The following SLC30A9 variants were observed in gnomAD, a reference collection of about 807,000 sequenced individuals.
SLC30A9 encodes proton-coupled zinc antiporter SLC30A9, mitochondrial.
A neutral mutation model predicts 87.5 loss-of-function variants in SLC30A9; 58 were observed. The observed-to-expected ratio is 0.66, with a 90% CI of 0.54 to 0.82. SLC30A9 has a LOEUF of 0.82. SLC30A9 is among the 40% of genes least tolerant of loss of function. SLC30A9 has a pLI of 0.00. For synonymous variants in SLC30A9, 234 were observed against 233.0 expected (o/e 1.00, Z -0.04); for missense variants, 557 against 679.1 (o/e 0.82, Z 2.00).
At chr4:42,076,311 T>G (rs886883909) in intron 16 of SLC30A9, among the ~76,000 whole-genome samples, 3 of 152,192 alleles carry the variant, frequency 2.0e-5, no homozygotes, top group African/African-American at 7.2e-5. Flanking sequence ...AAAAAAGAAA[T>G]AATTACAAAA....
rs531912528 is a variant in SLC30A9 at position 42,090,341 on chromosome 4, A to G, written c.*4215A>G. Reference sequence around the variant, plus strand: ...CTTAGACTTGGCTTTATGCAAAAAGAAAATTTTTATTCGTTATATTGTATT... The same window carrying G: ...CTTAGACTTGGCTTTATGCAAAAAGGAAATTTTTATTCGTTATATTGTATT... On this transcript the variant is annotated 3_prime_UTR_variant, in exon 18 of 18. Coordinates refer to ENST00000264451, the MANE Select transcript of SLC30A9 (RefSeq NM_006345.4). The G allele has an allele frequency of 6.6e-6, 1 of 152,214 alleles. No individual in the cohort carries two copies. Among genetic ancestry groups the G allele is most frequent in the Non-Finnish European group, 1.5e-5 (1 of 68,036 alleles). 9.4% of individuals were successfully genotyped at this position (152,214 alleles called of 1,614,324 possible). A position where few individuals can be genotyped will look rare whatever the true frequency, so the allele number is the denominator to read the frequency against.
At chr4:42,041,995 G>A (rs970779398) in intron 8 of SLC30A9, among the ~76,000 whole-genome samples, 6 of 152,166 alleles carry the variant, frequency 3.9e-5, no homozygotes, top group Non-Finnish European at 8.8e-5. Flanking sequence ...AAGCCATGAG[G>A]GACTGTGCTG....
intron 1 of SLC30A9, among the ~76,000 whole-genome samples, chr4:41,998,468 T>G (rs922145292): frequency 8.6e-5 from 13 of 151,654 alleles, no homozygotes; most frequent in African/African-American, 2.4e-4. Context: ...AATTCTTTTT[T>G]TTTGTTTGTT....
intron 17 of SLC30A9, chr4:42,078,638 T>C (rs1455040551): frequency 6.0e-6 from 1 of 165,310 alleles, no homozygotes; most frequent in Non-Finnish European, 1.3e-5. Context: ...TGAAAGTTCC[T>C]AGAGAAAGAT....
chr4:42,064,070 T>C (rs1194433668), intron 11 of SLC30A9, among the ~76,000 whole-genome samples: 1 of 152,232 alleles, frequency 6.6e-6, no homozygotes, highest in Non-Finnish European at 1.5e-5. Context: ...TATGGATGTA[T>C]CACTCAGGTA....
At chr4:42,064,899 CT>C (rs897488147) in intron 11 of SLC30A9, among the ~76,000 whole-genome samples, 30 of 147,506 alleles carry the variant, frequency 2.0e-4, no homozygotes, top group South Asian at 2.2e-4. Context: ...GCTAGGTTAA[CT>C]TTTTTTTTTT....
chr4:42,074,434 AAAG>A (rs1718442249), intron 15 of SLC30A9, among the ~76,000 whole-genome samples: 1 of 152,180 alleles, frequency 6.6e-6, no homozygotes, highest in South Asian at 2.1e-4. Context: ...ATCACTGTAG[AAAG>A]AAGAGAATTT....
chr4:41,992,350 AAAG>A (rs1465100769), intron 1 of SLC30A9, among the ~76,000 whole-genome samples: 2 of 152,144 alleles, frequency 1.3e-5, no homozygotes, highest in South Asian at 2.1e-4. Flanking sequence ...AAAAAAAAAA[AAAG>A]AAAAGAAAAA....
intron 2 of SLC30A9, among the ~76,000 whole-genome samples, chr4:42,011,191 A>C (rs1715427778): frequency 6.6e-6 from 1 of 152,242 alleles, no homozygotes; most frequent in Non-Finnish European, 1.5e-5. Context: ...CTCATGTGGC[A>C]GAAGGCACCT....
chr4:42,022,822 A>G lies in SLC30A9; in HGVS notation c.435-16A>G, dbSNP rs1318911406. The G allele has an allele frequency of 1.3e-6, 2 of 1,488,920 alleles. No homozygotes were observed. The highest frequency in any genetic ancestry group is 1.2e-5 in the South Asian group (1 of 82,586). 92.2% of individuals were successfully genotyped at this position (1,488,920 alleles called of 1,614,324 possible). The stretch of plus-strand genomic sequence containing the variant: ...TGCACTTTGTCTGAATAAATTCAAC[A>G]TGTTTCTTTCTCTAGTGATCTAGAA... On this transcript the variant is annotated splice_polypyrimidine_tract_variant and intron_variant, in intron 4 of 17. Transcript: ENST00000264451.
At chr4:42,056,483 C>T (rs1160239591) in intron 9 of SLC30A9, among the ~76,000 whole-genome samples, 1 of 152,156 alleles carries the variant, frequency 6.6e-6, no homozygotes, top group East Asian at 1.9e-4. Context: ...TCTTGTGAGA[C>T]TTATTCACTA....
intron 8 of SLC30A9, among the ~76,000 whole-genome samples, chr4:42,048,433 T>C (rs1717256774): frequency 6.6e-6 from 1 of 152,100 alleles, no homozygotes; most frequent in Admixed American, 6.6e-5. Context: ...AAAGGGTAGC[T>C]AAAAGGGGAC....
At chr4:41,998,550 G>C (rs1208784878) in intron 1 of SLC30A9, among the ~76,000 whole-genome samples, 1 of 151,026 alleles carries the variant, frequency 6.6e-6, no homozygotes, top group Non-Finnish European at 1.5e-5. Flanking sequence ...TGCAACCTCC[G>C]CCTCCCGGGT....
chr4:42,016,962 A>G (rs975599271), intron 2 of SLC30A9, among the ~76,000 whole-genome samples: 1 of 152,184 alleles, frequency 6.6e-6, no homozygotes, highest in African/African-American at 2.4e-5. Context: ...ATATTGACCT[A>G]GAAGAATTGC....
chr4:42,023,591 T>C (rs1432619670), intron 6 of SLC30A9, among the ~76,000 whole-genome samples: 2 of 152,164 alleles, frequency 1.3e-5, no homozygotes, highest in Non-Finnish European at 2.9e-5. Context: ...TTGAAGATGA[T>C]GAGAGGAAGA....
At chr4:42,077,460 A>G (rs1718601048) in intron 16 of SLC30A9, among the ~76,000 whole-genome samples, 1 of 152,090 alleles carries the variant, frequency 6.6e-6, no homozygotes, top group African/African-American at 2.4e-5. Context: ...GCTGGAGTGC[A>G]GTGGCGCGAT....
intron 9 of SLC30A9, among the ~76,000 whole-genome samples, chr4:42,057,875 G>A (rs372645560): frequency 7.2e-5 from 11 of 151,974 alleles, no homozygotes; most frequent in Middle Eastern, 3.4e-3. Context: ...AGGCTGAGGC[G>A]GGCGGATCAC....
chr4:42,015,780 C>T (rs116182954), intron 2 of SLC30A9, among the ~76,000 whole-genome samples: 6,961 of 152,026 alleles, frequency 0.046, 304 homozygotes, highest in African/African-American at 0.11. Flanking sequence ...TGTCCATTCC[C>T]ATTCTTGTCC....
At chr4:42,047,218 A>G (rs10454786) in intron 8 of SLC30A9, among the ~76,000 whole-genome samples, 91,639 of 152,150 alleles carry the variant, frequency 0.6, 32,983 homozygotes, top group East Asian at 0.95. Context: ...ACAAAAGCCA[A>G]AATTGACAAA....
Sources: gnomAD v4.1 joint callset for allele counts (sites outside exome capture counted in the v4.1 genomes callset) on GRCh38, gnomAD v4.1.1 for gene constraint, MANE v1.5 for transcripts, NCBI Gene and HGNC (gene_info 2026-07-23, HGNC 2026-07-21) for gene names.